MDGA2: variants seen among roughly 807,000 people sequenced by gnomAD.
MDGA2 encodes MAM domain containing glycosylphosphatidylinositol anchor 2.
A neutral mutation model predicts 117.8 loss-of-function variants in MDGA2; 40 were observed. The ratio of observed to expected loss-of-function variants is 0.34; its 90% CI spans 0.26 to 0.44. MDGA2 has a LOEUF of 0.44. Ranked by LOEUF, MDGA2 falls within the 20% of genes least tolerant of loss-of-function variation. The pLI is 1.00. For missense variants in MDGA2, 1,123 were observed against 1,250.6 expected (o/e 0.90, Z 1.54); for synonymous variants, 452 against 439.0 (o/e 1.03, Z -0.37).
intron 3 of MDGA2, among the ~76,000 whole-genome samples, chr14:47,173,208 A>C (rs1470041662): frequency 1.3e-5 from 2 of 152,230 alleles, no homozygotes; most frequent in Admixed American, 6.5e-5. Context: ...GAATGGAACC[A>C]AGTTGGAAAA....
chr14:47,098,751 C>A (rs1880129099), intron 5 of MDGA2, among the ~76,000 whole-genome samples: 1 of 151,776 alleles, frequency 6.6e-6, no homozygotes, highest in Non-Finnish European at 1.5e-5. Context: ...AGATTAATTT[C>A]TTTTACATCA....
At chr14:46,854,985 C>T (rs745325485) in intron 15 of MDGA2, 39 bp downstream of exon 15, 4 of 1,530,966 alleles carry the variant, frequency 2.6e-6, no homozygotes, top group African/African-American at 2.8e-5. Flanking sequence ...ATATTATGCT[C>T]ATTTACAGCA....
chr14:47,185,355 C>A (rs1248728892), intron 3 of MDGA2, among the ~76,000 whole-genome samples: 3 of 151,334 alleles, frequency 2.0e-5, no homozygotes, highest in Admixed American at 6.6e-5. Context: ...CATGTATTAT[C>A]TTAATTAATC....
chr14:47,296,220 A>G (rs1889068599), intron 2 of MDGA2, among the ~76,000 whole-genome samples: 1 of 152,186 alleles, frequency 6.6e-6, no homozygotes, highest in Non-Finnish European at 1.5e-5. Flanking sequence ...TGTCAAATAC[A>G]TAAATGACTT....
chr14:47,147,452 T>A (rs747144881), intron 3 of MDGA2, among the ~76,000 whole-genome samples: 8 of 152,242 alleles, frequency 5.3e-5, no homozygotes, highest in Non-Finnish European at 1.0e-4. Context: ...AGCTGTGATA[T>A]CCCCTCAAAG....
chr14:47,620,189 A>T (rs1897024635), intron 1 of MDGA2, among the ~76,000 whole-genome samples: 1 of 152,252 alleles, frequency 6.6e-6, no homozygotes, highest in African/African-American at 2.4e-5. Context: ...GCTCAATGGC[A>T]ACAGAATATT....
chr14:46,903,640 A>G (rs1273017739), intron 10 of MDGA2, among the ~76,000 whole-genome samples: 4 of 152,154 alleles, frequency 2.6e-5, no homozygotes, highest in Admixed American at 6.5e-5. Context: ...GATCATCAAT[A>G]TAATTTAATT....
intron 1 of MDGA2, among the ~76,000 whole-genome samples, chr14:47,560,010 C>T (rs747926944): frequency 2.8e-4 from 42 of 152,232 alleles, no homozygotes; most frequent in Non-Finnish European, 5.6e-4. Flanking sequence ...ATTTACACTT[C>T]TGCCAACAGT....
intron 1 of MDGA2, among the ~76,000 whole-genome samples, chr14:47,488,148 G>A (rs955395464): frequency 6.6e-6 from 1 of 152,046 alleles, no homozygotes; most frequent in African/African-American, 2.4e-5. Context: ...TTATTGAATC[G>A]AGTAGGTCAC....
intron 2 of MDGA2, among the ~76,000 whole-genome samples, chr14:47,228,677 T>C (rs945711842): frequency 1.3e-5 from 2 of 152,124 alleles, no homozygotes; most frequent in African/African-American, 4.8e-5. Flanking sequence ...AAGAAGCATA[T>C]GTATAGTAAT....
At chr14:47,504,954 C>A in intron 1 of MDGA2, among the ~76,000 whole-genome samples, 1 of 152,008 alleles carries the variant, frequency 6.6e-6, no homozygotes, top group East Asian at 1.9e-4. Flanking sequence ...TAGCTGTCCA[C>A]CAACAAATTA....
chr14:47,623,111 A>G (rs1897079609), intron 1 of MDGA2, among the ~76,000 whole-genome samples: 2 of 152,196 alleles, frequency 1.3e-5, no homozygotes, highest in South Asian at 4.1e-4. Context: ...TATCTCAGGC[A>G]TGGGTTTGTT....
chr14:47,636,784 C>CAAAAA lies in MDGA2; in HGVS notation c.280+37728_280+37732dup, dbSNP rs56313968. ...TGGGCGACAGAGCGAGACTCCGTCT[C>CAAAAA]AAAAAAAAAAAAAAAAAAAAAAAAA... On this transcript the variant is annotated intron_variant, in intron 1 of 16. Transcript: ENST00000399232. Among the ~76,000 whole-genome samples, 48 of 46,000 alleles carry CAAAAA rather than the reference C, an allele frequency of 1.0e-3. 4 individuals are homozygous for CAAAAA. Among genetic ancestry groups the CAAAAA allele is most frequent in the South Asian group, 3.0e-3 (2 of 668 alleles). The allele number at this position is 46,000 out of a possible 152,430, so 30.2% of individuals were successfully genotyped here. A position where few individuals can be genotyped will look rare whatever the true frequency, so the allele number is the denominator to read the frequency against.
chr14:47,332,732 C>T (rs566531842), intron 1 of MDGA2, among the ~76,000 whole-genome samples: 79 of 151,944 alleles, frequency 5.2e-4, no homozygotes, highest in African/African-American at 1.9e-3. Flanking sequence ...ATGGTGAAGT[C>T]TGGGCTTTTA....
At chr14:47,522,317 G>T (rs7494362) in intron 1 of MDGA2, among the ~76,000 whole-genome samples, 2 of 146,722 alleles carry the variant, frequency 1.4e-5, no homozygotes, top group African/African-American at 5.0e-5. Flanking sequence ...GTATATATAT[G>T]TATATATTTG....
At chr14:46,934,440 G>C (rs903483056) in intron 9 of MDGA2, among the ~76,000 whole-genome samples, 2 of 152,106 alleles carry the variant, frequency 1.3e-5, no homozygotes, top group Non-Finnish European at 2.9e-5. Flanking sequence ...AGAGCTGAGG[G>C]AGGTCAAATA....
At chr14:47,165,051 T>C (rs991839307) in intron 3 of MDGA2, among the ~76,000 whole-genome samples, 14 of 151,234 alleles carry the variant, frequency 9.3e-5, no homozygotes, top group African/African-American at 3.4e-4. Context: ...AATTGAACAA[T>C]GAGAACACCT....
intron 1 of MDGA2, among the ~76,000 whole-genome samples, chr14:47,657,537 G>A (rs1165774068): frequency 6.6e-6 from 1 of 152,138 alleles, no homozygotes; most frequent in African/African-American, 2.4e-5. Context: ...AACTAACTAG[G>A]CATTTGGTAG....
intron 6 of MDGA2, among the ~76,000 whole-genome samples, chr14:47,081,650 C>T (rs573809105): frequency 1.3e-3 from 191 of 152,154 alleles, no homozygotes; most frequent in African/African-American, 4.1e-3. Context: ...TACATACAAC[C>T]ATATATCATA....
Sources: gnomAD v4.1 joint callset for allele counts (sites outside exome capture counted in the v4.1 genomes callset) on GRCh38, gnomAD v4.1.1 for gene constraint, MANE v1.5 for transcripts, NCBI Gene and HGNC (gene_info 2026-07-23, HGNC 2026-07-21) for gene names.